Variants in CALN1 observed in about 807,000 individuals in gnomAD.
CALN1 encodes calneuron 1.
Under a neutral mutation model 30.6 loss-of-function variants are expected in CALN1, and 17 were observed. The observed-to-expected ratio is 0.56, with a 90% CI of 0.38 to 0.83. The LOEUF (loss-of-function observed/expected upper bound fraction) is 0.83. Ranked by LOEUF, CALN1 falls within the 40% of genes least tolerant of loss-of-function variation. CALN1 has a pLI of 0.00. For synonymous variants in CALN1, 156 were observed against 131.4 expected (o/e 1.19, Z -1.28); for missense variants, 291 against 354.9 (o/e 0.82, Z 1.45).
intron 4 of CALN1, among the ~76,000 whole-genome samples, chr7:72,067,794 G>A (rs1367150570): frequency 6.6e-6 from 1 of 151,040 alleles, no homozygotes; most frequent in Non-Finnish European, 1.5e-5. Flanking sequence ...CCCAGGTCCA[G>A]CAAGGGCTGA....
intron 6 of CALN1, among the ~76,000 whole-genome samples, chr7:71,807,280 C>A (rs900400571): frequency 6.6e-6 from 1 of 152,188 alleles, no homozygotes; most frequent in Admixed American, 6.5e-5. Flanking sequence ...GGATCTCAGA[C>A]AAACTCCTCT....
Position 71,780,339 on chromosome 7 carries a change from G to A in CALN1, c.*7436C>T, listed in dbSNP as rs1792651896. The A allele has an allele frequency of 6.6e-6, 1 of 152,126 alleles. No individual in the cohort carries two copies. Among genetic ancestry groups the A allele is most frequent in the South Asian group, 2.1e-4 (1 of 4,820 alleles). The allele number at this position is 152,126 out of a possible 1,614,324, so 9.4% of individuals were successfully genotyped here. A position where few individuals can be genotyped will look rare whatever the true frequency, so the allele number is the denominator to read the frequency against. ...AGGTCTTTCCCAGGGAGAACAACAG[G>A]GCTTGTTAGAAAAACAATTACTGGG... On this transcript the variant is annotated 3_prime_UTR_variant, in exon 7 of 7. Coordinates refer to ENST00000395275, the MANE Select transcript of CALN1 (RefSeq NM_031468.4).
At chr7:72,121,635 G>C (rs1326634867) in intron 3 of CALN1, among the ~76,000 whole-genome samples, 1 of 148,742 alleles carries the variant, frequency 6.7e-6, no homozygotes, top group African/African-American at 2.4e-5. Flanking sequence ...GCTTGCTCTT[G>C]TGATTCGCTT....
At chr7:72,247,438 G>A (rs962850209) in intron 3 of CALN1, among the ~76,000 whole-genome samples, 7 of 151,024 alleles carry the variant, frequency 4.6e-5, no homozygotes, top group Non-Finnish European at 8.9e-5. Context: ...TAGTAGAGAC[G>A]GGTTTCACCA....
At chr7:72,294,743 A>C (rs929558216) in intron 2 of CALN1, among the ~76,000 whole-genome samples, 2 of 117,316 alleles carry the variant, frequency 1.7e-5, no homozygotes, top group Admixed American at 2.2e-4. Context: ...GACTGTCTCT[A>C]AAAAAGTAAT....
intron 2 of CALN1, among the ~76,000 whole-genome samples, chr7:72,310,919 AAAAAAAAAAC>A (rs1337285655): frequency 6.6e-6 from 1 of 151,270 alleles, no homozygotes; most frequent in African/African-American, 2.4e-5. Flanking sequence ...AAAAAAAAAA[AAAAAAAAAAC>A]AAAAATAAAG....
chr7:72,292,714 G>A (rs559248451), intron 2 of CALN1, among the ~76,000 whole-genome samples: 17 of 150,154 alleles, frequency 1.1e-4, no homozygotes, highest in African/African-American at 2.7e-4. Flanking sequence ...CCAGCTACTC[G>A]GGAGGCTGAG....
At chr7:72,182,802 T>C (rs1789912986) in intron 3 of CALN1, among the ~76,000 whole-genome samples, 1 of 149,932 alleles carries the variant, frequency 6.7e-6, no homozygotes. Context: ...AGAAAAGACG[T>C]TCTAGATAGG....
intron 3 of CALN1, among the ~76,000 whole-genome samples, chr7:72,221,051 G>C (rs10256869): frequency 6.6e-6 from 1 of 152,130 alleles, no homozygotes; most frequent in Non-Finnish European, 1.5e-5. Context: ...AGTTCAATTA[G>C]ATCCCATTTG....
intron 5 of CALN1, among the ~76,000 whole-genome samples, chr7:71,972,477 A>G (rs1388291589): frequency 6.6e-6 from 1 of 152,142 alleles, no homozygotes; most frequent in Non-Finnish European, 1.5e-5. Context: ...TTCATCTGCT[A>G]AGAGAGCGTG....
chr7:72,032,282 G>A lies in CALN1; in HGVS notation c.389-8513C>T, dbSNP rs1465075385. Among the ~76,000 whole-genome samples the A allele has an allele frequency of 4.0e-5, 6 of 150,414 alleles. No homozygotes were observed. The South Asian group carries it at 8.5e-4, about 21-fold the overall frequency. ...ATCGTGGTCTCGATCTCCTGACCTC[G>A]TGATCCGCCCGCCTTGGCCTCCCAA... On this transcript the variant is annotated intron_variant, in intron 4 of 6. Coordinates refer to ENST00000395275, the MANE Select transcript of CALN1 (RefSeq NM_031468.4).
At chr7:72,357,677 T>C (rs1803315213) in intron 2 of CALN1, among the ~76,000 whole-genome samples, 1 of 151,670 alleles carries the variant, frequency 6.6e-6, no homozygotes, top group African/African-American at 2.4e-5. Flanking sequence ...CATTATGAGA[T>C]AACATGTTTA....
intron 4 of CALN1, among the ~76,000 whole-genome samples, chr7:72,032,397 C>T (rs1206600715): frequency 1.3e-5 from 2 of 152,088 alleles, no homozygotes; most frequent in African/African-American, 4.8e-5. Flanking sequence ...CACTATGTTG[C>T]CCAGGCTAGT....
intron 3 of CALN1, among the ~76,000 whole-genome samples, chr7:72,175,022 T>C (rs1789245531): frequency 6.6e-6 from 1 of 152,020 alleles, no homozygotes; most frequent in Non-Finnish European, 1.5e-5. Context: ...CTCAACAAAT[T>C]GCACAATTTA....
intron 2 of CALN1, among the ~76,000 whole-genome samples, chr7:72,351,354 C>T (rs10227369): frequency 0.2 from 30,788 of 151,890 alleles, 3,944 homozygotes; most frequent in East Asian, 0.4. Context: ...GAATTTATAG[C>T]CATCAGGCTG....
chr7:72,168,233 CAAA>C (rs61366296), intron 3 of CALN1, among the ~76,000 whole-genome samples: 1,901 of 140,512 alleles, frequency 0.014, 19 homozygotes, highest in African/African-American at 0.04. Context: ...TGCAAACAAG[CAAA>C]AAAAAAAAAA....
intron 4 of CALN1, among the ~76,000 whole-genome samples, chr7:72,087,160 A>G (rs1283983461): frequency 6.6e-6 from 1 of 152,240 alleles, no homozygotes; most frequent in South Asian, 2.1e-4. Context: ...AGCGTCTGAA[A>G]TAACAATTAC....
At chr7:72,437,515 A>G (rs1005194370) in intron 1 of CALN1, among the ~76,000 whole-genome samples, 2 of 97,918 alleles carry the variant, frequency 2.0e-5, no homozygotes, top group Non-Finnish European at 4.2e-5. Flanking sequence ...TGAGAAACCC[A>G]GTTGTGTGGA....
At chr7:72,171,767 T>G (rs973143968) in intron 3 of CALN1, among the ~76,000 whole-genome samples, 18 of 152,212 alleles carry the variant, frequency 1.2e-4, no homozygotes, top group African/African-American at 4.3e-4. Context: ...TTATTATATT[T>G]ATTTTAGAGA....
Sources: allele counts gnomAD v4.1 joint callset (sites outside exome capture counted in the v4.1 genomes callset), GRCh38; gene constraint gnomAD v4.1.1; transcripts MANE v1.5; gene names NCBI Gene and HGNC (gene_info 2026-07-23, HGNC 2026-07-21).